Variants in XPNPEP1 observed in about 807,000 individuals in gnomAD.
The protein encoded by XPNPEP1 is xaa-Pro aminopeptidase 1.
XPNPEP1 carries 39 observed loss-of-function variants against 92.4 expected under a neutral mutation model. The observed-to-expected ratio is 0.42, with a 90% CI of 0.33 to 0.55. The LOEUF (loss-of-function observed/expected upper bound fraction) is 0.55, where lower values mean the gene tolerates loss of function less well. Ranked by LOEUF, XPNPEP1 falls within the 20% of genes least tolerant of loss-of-function variation. XPNPEP1 has a pLI of 0.08. For synonymous variants in XPNPEP1, 307 were observed against 299.4 expected, an observed-to-expected ratio of 1.03 and a Z score of -0.26; for missense variants, 654 against 856.1, an observed-to-expected ratio of 0.76 and a Z score of 2.95.
intron 3 of XPNPEP1, among the ~76,000 whole-genome samples, chr10:109,901,943 A>G (rs1849308573): frequency 6.6e-6 from 1 of 152,260 alleles, no homozygotes. Context: ...ATGATGTGCT[A>G]AAATAATATT....
At chr10:109,868,508 T>C in intron 20 of XPNPEP1, 106 bp downstream of exon 20, 1 of 1,038,342 alleles carries the variant, frequency 9.6e-7, no homozygotes, top group Admixed American at 2.3e-5. Flanking sequence ...AATTACAAAG[T>C]GAGACTGGAT....
rs1224420004 is a variant in XPNPEP1 at position 109,888,424 on chromosome 10, C to T, written c.508+79G>A. 7.0e-6 allele frequency: 10 copies of T among 1,429,778 alleles called. No individual in the cohort carries two copies. In the East Asian group the frequency reaches 2.4e-4, roughly 34 times the overall value. 88.6% of individuals were successfully genotyped at this position (1,429,778 alleles called of 1,614,324 possible). A position where few individuals can be genotyped will look rare whatever the true frequency, so the allele number is the denominator to read the frequency against. On this transcript the variant is annotated intron_variant, in intron 6 of 20. Transcript: ENST00000502935. ...GCTGAGCCCCCCAGTGCTCCACACC[C>T]CACAAGCAAATGAGGAGAATGGAGG...
intron 7 of XPNPEP1, among the ~76,000 whole-genome samples, chr10:109,886,986 C>T (rs1431148744): frequency 3.3e-5 from 5 of 152,168 alleles, no homozygotes; most frequent in South Asian, 2.1e-4. Flanking sequence ...AAGATGAAAT[C>T]GTGGTGCTAG....
chr10:109,896,971 T>A lies in XPNPEP1; in HGVS notation c.247-3896A>T, dbSNP rs1444447368. ...TTTGTTTTAAGTCACTGTGGTAATT[T>A]GTTATAGCAGTGATAGGAAACTAAT... is the stretch of plus-strand genomic sequence containing the variant. On this transcript the variant is annotated intron_variant, in intron 3 of 20. Coordinates refer to ENST00000502935, the MANE Select transcript of XPNPEP1 (RefSeq NM_020383.4). 2.6e-5 allele frequency among the ~76,000 whole-genome samples: 4 copies of A among 152,202 alleles called. No individual in the cohort carries two copies. In the East Asian group the frequency reaches 7.7e-4, roughly 29 times the overall value.
chr10:109,888,001 G>A (rs773587536), intron 7 of XPNPEP1, 48 bp downstream of exon 7: 13 of 1,604,450 alleles, frequency 8.1e-6, no homozygotes, highest in Middle Eastern at 1.8e-4. Flanking sequence ...AGCAAGAGGT[G>A]GGGGGACAAT....
At chr10:109,866,053 G>A (rs1847125205) in intron 20 of XPNPEP1, among the ~76,000 whole-genome samples, 1 of 150,278 alleles carries the variant, frequency 6.7e-6, no homozygotes, top group Non-Finnish European at 1.5e-5. Flanking sequence ...AGTCTGGAGT[G>A]AAGCAGGTTT....
chr10:109,887,258 A>G (rs1848444214), intron 7 of XPNPEP1, among the ~76,000 whole-genome samples: 1 of 152,140 alleles, frequency 6.6e-6, no homozygotes, highest in Non-Finnish European at 1.5e-5. Flanking sequence ...ACCCTGGGCC[A>G]CTCACTGGAC....
intron 7 of XPNPEP1, among the ~76,000 whole-genome samples, chr10:109,887,456 C>T (rs1388905406): frequency 6.6e-6 from 1 of 152,180 alleles, no homozygotes; most frequent in Non-Finnish European, 1.5e-5. Flanking sequence ...CATTCCACAG[C>T]CATCCCCCAT....
chr10:109,905,460 G>A (rs1187927836), intron 3 of XPNPEP1, among the ~76,000 whole-genome samples: 3 of 152,000 alleles, frequency 2.0e-5, no homozygotes, highest in Non-Finnish European at 4.4e-5. Flanking sequence ...CGCCTGCCTC[G>A]GCCTCCCAAA....
chr10:109,890,583 TGTGTGTGTGTGAGAGAGA>T (rs1242583083), intron 5 of XPNPEP1, among the ~76,000 whole-genome samples: 5 of 91,640 alleles, frequency 5.5e-5, no homozygotes, highest in Admixed American at 1.4e-4. Flanking sequence ...TGTGTGTGTG[TGTGTGTGTGTGAGAGAGA>T]GAGAGAGAGA....
At chr10:109,909,344 G>C (rs1168058895) in intron 2 of XPNPEP1, among the ~76,000 whole-genome samples, 2 of 152,162 alleles carry the variant, frequency 1.3e-5, no homozygotes, top group Non-Finnish European at 2.9e-5. Context: ...CAAGGCTCCA[G>C]GGGAGTCTAC....
At chr10:109,882,835 G>A (rs1358402469) in intron 9 of XPNPEP1, among the ~76,000 whole-genome samples, 193 bp from the exon 10 acceptor site, 1 of 152,086 alleles carries the variant, frequency 6.6e-6, no homozygotes, top group Non-Finnish European at 1.5e-5. Context: ...AATCTGCCAA[G>A]CCAGAAATCT....
At chr10:109,908,592 C>G (rs951923910) in intron 2 of XPNPEP1, among the ~76,000 whole-genome samples, 5 of 152,054 alleles carry the variant, frequency 3.3e-5, no homozygotes, top group Non-Finnish European at 5.9e-5. Flanking sequence ...AAGACCAAGA[C>G]TCCGTCTCAA....
intron 2 of XPNPEP1, among the ~76,000 whole-genome samples, chr10:109,913,512 G>A (rs1014295490): frequency 6.6e-5 from 10 of 152,310 alleles, no homozygotes; most frequent in East Asian, 1.9e-4. Flanking sequence ...CTGAGGGAAC[G>A]CTAAGGGCTT....
chr10:109,901,957 GATATGTTGGATTA>G (rs1849309159), intron 3 of XPNPEP1, among the ~76,000 whole-genome samples: 1 of 152,162 alleles, frequency 6.6e-6, no homozygotes. Context: ...TAATATTTTG[GATATGTTGGATTA>G]ATATATTGTT....
chr10:109,866,857 G>T (rs982149642), intron 20 of XPNPEP1, among the ~76,000 whole-genome samples: 3 of 152,246 alleles, frequency 2.0e-5, no homozygotes, highest in Admixed American at 1.3e-4. Flanking sequence ...AATCATGTGG[G>T]CATGCAAGGT....
chr10:109,875,386 G>C (rs1207627898), intron 15 of XPNPEP1, 142 bp downstream of exon 15: 1 of 629,960 alleles, frequency 1.6e-6, no homozygotes, highest in Non-Finnish European at 2.7e-6. Context: ...TGAAAAAAAT[G>C]ACAAGACACA....
chr10:109,908,984 G>A (rs561925589), intron 2 of XPNPEP1, among the ~76,000 whole-genome samples: 1 of 152,182 alleles, frequency 6.6e-6, no homozygotes, highest in Admixed American at 6.5e-5. Context: ...AAGTATGGCG[G>A]GAGTGGCCGG....
At chr10:109,921,876 G>C (rs1850562496) in intron 1 of XPNPEP1, among the ~76,000 whole-genome samples, 1 of 152,230 alleles carries the variant, frequency 6.6e-6, no homozygotes. Flanking sequence ...CATCAGATCA[G>C]GGACTTCTGC....
Sources: gnomAD v4.1 joint callset for allele counts (sites outside exome capture counted in the v4.1 genomes callset) on GRCh38, gnomAD v4.1.1 for gene constraint, MANE v1.5 for transcripts, NCBI Gene and HGNC (gene_info 2026-07-23, HGNC 2026-07-21) for gene names.